The following SHROOM3 variants were observed in gnomAD, a reference collection of about 807,000 sequenced individuals.
SHROOM3 encodes protein Shroom3.
In SHROOM3, 47 loss-of-function variants were observed where a neutral mutation model predicts 138.6. The ratio of observed to expected loss-of-function variants is 0.34; its 90% confidence interval spans 0.27 to 0.43. The LOEUF is 0.43. Ranked by LOEUF, SHROOM3 falls within the 20% of genes least tolerant of loss-of-function variation. SHROOM3 has a pLI of 1.00. For synonymous variants in SHROOM3, 1,062 were observed against 1,063.3 expected, an observed-to-expected ratio of 1.00 and a Z score of 0.02; for missense variants, 2,491 against 2,596.5, an observed-to-expected ratio of 0.96 and a Z score of 0.88.
At chr4:76,623,875 G>A (rs961971451) in intron 2 of SHROOM3, among the ~76,000 whole-genome samples, 3 of 152,124 alleles carry the variant, frequency 2.0e-5, no homozygotes, top group African/African-American at 7.2e-5. Flanking sequence ...GATATTCCTT[G>A]CATACTCATA....
intron 1 of SHROOM3, among the ~76,000 whole-genome samples, chr4:76,453,409 T>C (rs1730965368): frequency 6.6e-6 from 1 of 151,732 alleles, no homozygotes; most frequent in Non-Finnish European, 1.5e-5. Flanking sequence ...CTCCAGAGTA[T>C]CTGGGACTAC....
chr4:76,596,323 G>A (rs1402218862), intron 2 of SHROOM3, among the ~76,000 whole-genome samples: 1 of 152,122 alleles, frequency 6.6e-6, no homozygotes, highest in Non-Finnish European at 1.5e-5. Context: ...GAGGCAAGAG[G>A]ATGGCTGGAG....
chr4:76,552,009 C>T (rs1230581759), intron 1 of SHROOM3, among the ~76,000 whole-genome samples: 2 of 142,564 alleles, frequency 1.4e-5, no homozygotes, highest in Admixed American at 6.9e-5. Flanking sequence ...CTACAGGCGC[C>T]CGCCATCACG....
At chr4:76,448,192 T>C (rs1450586504) in intron 1 of SHROOM3, among the ~76,000 whole-genome samples, 5 of 152,220 alleles carry the variant, frequency 3.3e-5, no homozygotes, top group Non-Finnish European at 5.9e-5. Context: ...AGGTTTTTCA[T>C]AAAAGATGGA....
chr4:76,620,690 C>T lies in SHROOM3; in HGVS notation c.323+64927C>T, dbSNP rs193154214. Among the ~76,000 whole-genome samples the T allele has an allele frequency of 5.2e-4, 79 of 152,066 alleles. 2 individuals are homozygous for T. Among genetic ancestry groups the T allele is most frequent in the African/African-American group, 1.6e-3 (67 of 41,494 alleles). ...GGGATTAATAAATGTGAGTGGAGAA[C>T]GGTGAGGCAGAGGCGGAAAGGGCAG... On this transcript the variant is annotated intron_variant, in intron 2 of 10. Coordinates refer to ENST00000296043, the MANE Select transcript of SHROOM3 (RefSeq NM_020859.4).
Position 76,710,271 on chromosome 4 carries a change from C to G in SHROOM3, c.439C>G (p.Leu147Val). Residue 147 changes from leucine (L) to valine (V), a missense_variant, in exon 3 of 11, where the codon CTT becomes GTT. Physicochemically the swap from Leu to Val is conservative, Grantham distance 32. This residue lies in a region of SHROOM3 where 284 missense variants were observed against 322.8 expected (regional missense o/e 0.88). Transcript: ENST00000296043. ...AGCAGCGTGGTCAGGAGGGGTTAAA[C>G]TTCGGCTGAAGCACAGGTAAGACGC... ...RKAAWSGGVK[L>V]RLKHRRSEPA... 6.2e-7 allele frequency: 1 copy of G among 1,614,108 alleles called. No homozygotes were observed. Among genetic ancestry groups the G allele is most frequent in the Non-Finnish European group, 8.5e-7 (1 of 1,179,994 alleles).
intron 9 of SHROOM3, among the ~76,000 whole-genome samples, chr4:76,763,962 A>G (rs755585146): frequency 2.0e-4 from 30 of 152,220 alleles, no homozygotes; most frequent in African/African-American, 5.5e-4. Context: ...CCATTCTCCA[A>G]TATTGTTTTG....
chr4:76,518,643 A>C (rs1732498455), intron 1 of SHROOM3, among the ~76,000 whole-genome samples: 1 of 151,988 alleles, frequency 6.6e-6, no homozygotes, highest in East Asian at 1.9e-4. Flanking sequence ...ATGGCTGTTC[A>C]CATTTGGTAG....
intron 2 of SHROOM3, among the ~76,000 whole-genome samples, chr4:76,662,347 G>A (rs897303005): frequency 1.3e-5 from 2 of 152,132 alleles, no homozygotes; most frequent in African/African-American, 4.8e-5. Context: ...GAGGCAGCCT[G>A]CATTTCTTCT....
chr4:76,647,992 T>C (rs1463280774), intron 2 of SHROOM3, among the ~76,000 whole-genome samples: 1 of 152,112 alleles, frequency 6.6e-6, no homozygotes, highest in Non-Finnish European at 1.5e-5. Context: ...TTTATAATAA[T>C]ATTTATCCAT....
At chr4:76,573,961 C>G (rs1399084099) in intron 2 of SHROOM3, among the ~76,000 whole-genome samples, 1 of 152,096 alleles carries the variant, frequency 6.6e-6, no homozygotes, top group Non-Finnish European at 1.5e-5. Flanking sequence ...CAGGCCAGAC[C>G]TACTCCAGTG....
intron 4 of SHROOM3, among the ~76,000 whole-genome samples, chr4:76,734,777 GT>G (rs541868915): frequency 2.7e-3 from 411 of 152,252 alleles, no homozygotes; most frequent in Non-Finnish European, 4.4e-3. Context: ...GTTCACTTCA[GT>G]TCTTTAAATA....
At chr4:76,508,374 G>C (rs1732258946) in intron 1 of SHROOM3, among the ~76,000 whole-genome samples, 1 of 151,854 alleles carries the variant, frequency 6.6e-6, no homozygotes, top group African/African-American at 2.4e-5. Context: ...TAAGTATGAG[G>C]GTTTATTTCT....
intron 2 of SHROOM3, among the ~76,000 whole-genome samples, chr4:76,629,451 A>G (rs1316248577): frequency 6.6e-6 from 1 of 152,148 alleles, no homozygotes; most frequent in African/African-American, 2.4e-5. Flanking sequence ...AAATGATGAA[A>G]GGTTGCAGGG....
intron 6 of SHROOM3, among the ~76,000 whole-genome samples, chr4:76,753,969 T>C (rs1721716410): frequency 6.6e-6 from 1 of 152,156 alleles, no homozygotes; most frequent in Non-Finnish European, 1.5e-5. Context: ...GCTGAAGAAA[T>C]GTACTGTTTG....
intron 2 of SHROOM3, among the ~76,000 whole-genome samples, chr4:76,602,309 C>G (rs1045323337): frequency 1.3e-5 from 2 of 152,020 alleles, no homozygotes; most frequent in Non-Finnish European, 2.9e-5. Context: ...TAGGTCATCA[C>G]CTACAGGAAA....
chr4:76,755,924 C>T (rs187673328), intron 7 of SHROOM3, among the ~76,000 whole-genome samples: 4 of 152,328 alleles, frequency 2.6e-5, no homozygotes, highest in Admixed American at 2.0e-4. Flanking sequence ...TGCCTGACAG[C>T]ACCTTTTGAG....
chr4:76,612,169 A>G (rs907315406), intron 2 of SHROOM3, among the ~76,000 whole-genome samples: 5 of 152,206 alleles, frequency 3.3e-5, no homozygotes, highest in African/African-American at 1.2e-4. Flanking sequence ...GGCAGTATCC[A>G]GTAATAATAT....
At position 76,738,836 on chromosome 4, in the gene SHROOM3, G is replaced by A. The variant is rs758685837; in HGVS notation, c.663G>A (p.Gly221=). The change falls in exon 5 of 11, where the codon GGG becomes GGA. Residue 221 remains glycine, a synonymous_variant. Transcript: ENST00000296043. The part of the protein sequence containing the change: ...RRSPDQCSSQ[G]SMESLEPSGA... ...GCCCTGACCAGTGCAGCTCCCAGGG[G>A]AGCATGGAGAGCCTGGAGCCCAGTG... The A allele has an allele frequency of 6.2e-7, 1 of 1,614,046 alleles. No homozygotes were observed. The highest frequency in any genetic ancestry group is 1.1e-5 in the South Asian group (1 of 91,086).
Sources: allele counts gnomAD v4.1 joint callset (sites outside exome capture counted in the v4.1 genomes callset), GRCh38; gene constraint gnomAD v4.1.1; regional missense constraint gnomAD v4.1.1; transcripts MANE v1.5; gene names NCBI Gene and HGNC (gene_info 2026-07-23, HGNC 2026-07-21).